CCSER1: variants seen among roughly 807,000 people sequenced by gnomAD.
CCSER1 encodes the protein coiled-coil serine rich protein 1, also known as serine-rich coiled-coil domain-containing protein 1.
In CCSER1, 41 loss-of-function variants were observed where a neutral mutation model predicts 82.0. The observed-to-expected ratio is 0.50, with a 90% confidence interval of 0.39 to 0.65. The LOEUF is 0.65. Ranked by LOEUF, CCSER1 falls within the 30% of genes least tolerant of loss-of-function variation. The pLI, the probability that CCSER1 is intolerant of heterozygous loss-of-function variation, is 0.00. For missense variants in CCSER1, 1,119 were observed against 1,064.2 expected (o/e 1.05, Z -0.72); for synonymous variants, 414 against 383.9 (o/e 1.08, Z -0.92).
At chr4:90,385,299 T>C (rs1749855457) in intron 3 of CCSER1, among the ~76,000 whole-genome samples, 1 of 152,042 alleles carries the variant, frequency 6.6e-6, no homozygotes, top group Non-Finnish European at 1.5e-5. Flanking sequence ...CTTTGAGAAA[T>C]CTTCATACTG....
At chr4:90,412,321 G>A (rs1578345949) in intron 4 of CCSER1, among the ~76,000 whole-genome samples, 1 of 107,474 alleles carries the variant, frequency 9.3e-6, no homozygotes, top group Non-Finnish European at 1.8e-5. Context: ...GTTGTGGGGT[G>A]GGGGGAGGGG....
At chr4:91,274,913 G>A (rs113962528) in intron 10 of CCSER1, among the ~76,000 whole-genome samples, 3,054 of 152,060 alleles carry the variant, frequency 0.02, 112 homozygotes, top group African/African-American at 0.07. Flanking sequence ...AGACCATCCT[G>A]GCTAACACAG....
At chr4:90,292,857 C>T (rs1731173417) in intron 1 of CCSER1, among the ~76,000 whole-genome samples, 1 of 151,862 alleles carries the variant, frequency 6.6e-6, no homozygotes, top group Non-Finnish European at 1.5e-5. Flanking sequence ...GTATTACTGA[C>T]TCTACACACA....
intron 9 of CCSER1, among the ~76,000 whole-genome samples, chr4:91,061,893 C>T (rs1314577112): frequency 1.3e-5 from 2 of 151,954 alleles, no homozygotes; most frequent in African/African-American, 4.8e-5. Flanking sequence ...AAAGAAAATT[C>T]ATGTAATTAG....
chr4:90,482,295 A>G (rs1267825277), intron 5 of CCSER1, among the ~76,000 whole-genome samples: 1 of 151,798 alleles, frequency 6.6e-6, no homozygotes, highest in African/African-American at 2.4e-5. Flanking sequence ...GTGGTCTATC[A>G]ATTTTGTTGA....
chr4:90,511,082 G>A (rs1192663509), intron 5 of CCSER1, among the ~76,000 whole-genome samples: 1 of 152,186 alleles, frequency 6.6e-6, no homozygotes. Flanking sequence ...CCACAAGGGA[G>A]TAATCAACCA....
chr4:91,158,712 T>G (rs1187611052), intron 10 of CCSER1, among the ~76,000 whole-genome samples: 1 of 151,848 alleles, frequency 6.6e-6, no homozygotes, highest in Non-Finnish European at 1.5e-5. Context: ...CACGGCCTTG[T>G]AAGACTTTAG....
intron 1 of CCSER1, among the ~76,000 whole-genome samples, chr4:90,213,509 C>T (rs1390680445): frequency 6.6e-6 from 1 of 152,056 alleles, no homozygotes; most frequent in African/African-American, 2.4e-5. Context: ...GCATTTACCA[C>T]GTGGAACTAG....
At chr4:90,845,365 A>AC (rs1763100992) in intron 8 of CCSER1, among the ~76,000 whole-genome samples, 1 of 151,594 alleles carries the variant, frequency 6.6e-6, no homozygotes, top group African/African-American at 2.4e-5. Context: ...CATCTAAAAA[A>AC]AAAAAAAAAA....
chr4:91,354,978 C>G (rs1748727880), intron 10 of CCSER1, among the ~76,000 whole-genome samples: 1 of 152,114 alleles, frequency 6.6e-6, no homozygotes, highest in African/African-American at 2.4e-5. Context: ...TAGTCCTTTT[C>G]CATCAATGCC....
intron 5 of CCSER1, among the ~76,000 whole-genome samples, chr4:90,562,986 C>T (rs980306244): frequency 3.3e-5 from 5 of 151,746 alleles, no homozygotes; most frequent in Admixed American, 2.6e-4. Context: ...TATTATAAAA[C>T]TAATATTGAA....
intron 1 of CCSER1, among the ~76,000 whole-genome samples, chr4:90,198,466 A>G (rs555575176): frequency 9.8e-5 from 15 of 152,294 alleles, no homozygotes; most frequent in African/African-American, 2.9e-4. Flanking sequence ...GTTTGGTGCT[A>G]TGTAAGAACA....
At chr4:91,544,931 C>A (rs951987254) in intron 10 of CCSER1, among the ~76,000 whole-genome samples, 1 of 152,116 alleles carries the variant, frequency 6.6e-6, no homozygotes, top group African/African-American at 2.4e-5. Context: ...GCAGGCAGGC[C>A]TCCTTGAGAT....
chr4:90,847,628 T>G (rs1763373687), intron 8 of CCSER1, among the ~76,000 whole-genome samples: 1 of 152,158 alleles, frequency 6.6e-6, no homozygotes, highest in African/African-American at 2.4e-5. Context: ...TTTAACTTTC[T>G]TAGGTTGTCA....
At chr4:90,919,844 G>GT (rs1227424510) in intron 8 of CCSER1, among the ~76,000 whole-genome samples, 1 of 151,660 alleles carries the variant, frequency 6.6e-6, no homozygotes, top group East Asian at 1.9e-4. Context: ...TCTCATTTTA[G>GT]TTTTACTTTT....
chr4:90,932,982 G>GGA (rs1730221871), intron 9 of CCSER1, among the ~76,000 whole-genome samples: 1 of 18,868 alleles, frequency 5.3e-5, no homozygotes. Flanking sequence ...AAGAAAGAAA[G>GGA]AGAAAGAAAG....
intron 10 of CCSER1, among the ~76,000 whole-genome samples, chr4:91,273,692 T>C (rs1300362367): frequency 2.0e-5 from 3 of 152,090 alleles, no homozygotes; most frequent in Non-Finnish European, 4.4e-5. Context: ...AGCTCTCAGA[T>C]GGAGTGCTTT....
chr4:90,426,577 AC>A (rs961216060), intron 4 of CCSER1, among the ~76,000 whole-genome samples: 1 of 152,170 alleles, frequency 6.6e-6, no homozygotes, highest in African/African-American at 2.4e-5. Flanking sequence ...GGTGGTACCA[AC>A]CTTTAAAAGC....
chr4:90,907,017 C>T (rs1444465608), intron 8 of CCSER1, among the ~76,000 whole-genome samples: 2 of 152,096 alleles, frequency 1.3e-5, no homozygotes, highest in East Asian at 1.9e-4. Context: ...AACTATAATG[C>T]AATGCTATCC....
Sources: allele counts gnomAD v4.1 joint callset (sites outside exome capture counted in the v4.1 genomes callset), GRCh38; gene constraint gnomAD v4.1.1; transcripts MANE v1.5; gene names NCBI Gene and HGNC (gene_info 2026-07-23, HGNC 2026-07-21).